Variants in MICU3 observed in about 807,000 individuals in gnomAD.
MICU3 encodes the protein mitochondrial calcium uptake 3.
MICU3 carries 62 observed loss-of-function variants against 66.5 expected under a neutral mutation model. That is an observed-to-expected ratio of 0.93 (90% CI 0.76 to 1.15). MICU3 has a LOEUF of 1.15. MICU3 is among the 50% of genes most tolerant of loss of function. MICU3 has a pLI of 0.00. For synonymous variants in MICU3, 308 were observed against 240.7 expected, an observed-to-expected ratio of 1.28 and a Z score of -2.59; for missense variants, 779 against 664.4, an observed-to-expected ratio of 1.17 and a Z score of -1.90.
intron 1 of MICU3, among the ~76,000 whole-genome samples, chr8:17,028,602 C>T (rs957230663): frequency 6.6e-6 from 1 of 152,130 alleles, no homozygotes; most frequent in African/African-American, 2.4e-5. Context: ...TTTTTATAGG[C>T]TTTGTTCTTA....
rs75763547 is a variant in MICU3, at chr8:17,034,162, A to G, written c.381+6502A>G. Among the ~76,000 whole-genome samples the G allele has an allele frequency of 3.9e-5, 6 of 152,346 alleles. No individual in the cohort carries two copies. In the East Asian group the frequency reaches 7.7e-4, roughly 20 times the overall value. On this transcript the variant is annotated intron_variant, in intron 1 of 14. Coordinates refer to ENST00000318063, the MANE Select transcript of MICU3 (RefSeq NM_181723.3). ...GGCCCTTAAGAATTATGCTAAATCT[A>G]TGCTACCTGTGTTATGTTAGGGGGA... is the stretch of plus-strand genomic sequence containing the variant.
At chr8:17,131,882 A>G in the MICU3 span, 2 of 152,230 alleles carry the variant, frequency 1.3e-5, no homozygotes, top group African/African-American at 2.4e-5. Context: ...AGGCCAAAAT[A>G]TGGTGAATTT....
intron 8 of MICU3, 87 bp from the exon 9 acceptor site, chr8:17,098,371 C>G: frequency 1.1e-6 from 1 of 908,674 alleles, no homozygotes; most frequent in Non-Finnish European, 1.8e-6. Context: ...GTTTCCTTTT[C>G]AAGGTTGGTT....
Position 17,027,651 on chromosome 8 carries a change from C to T in MICU3, c.372C>T (p.Ala124=). The change falls in exon 1 of 15, where the codon GCC becomes GCT. Residue 124 remains alanine, a synonymous_variant. Transcript: ENST00000318063. ...RGMLPIPVAA[A]KETVAIGRTD... ...TGCTGCCCATCCCAGTGGCGGCTGC[C>T]AAGGAGACGGTGAGTGCGCGAGCGC... 1 of 1,300,290 alleles carries T rather than the reference C, an allele frequency of 7.7e-7. No homozygotes were observed. The highest frequency in any genetic ancestry group is 9.7e-7 in the Non-Finnish European group (1 of 1,027,530). The allele number at this position is 1,300,290 out of a possible 1,614,324, so 80.5% of individuals were successfully genotyped here.
chr8:17,080,231 A>G (rs12547366), intron 4 of MICU3, among the ~76,000 whole-genome samples: 10,599 of 152,148 alleles, frequency 0.07, 559 homozygotes, highest in East Asian at 0.25. Context: ...TTATTAAATT[A>G]TAATATATCA....
At chr8:17,056,154 T>G (rs1204787065) in intron 1 of MICU3, among the ~76,000 whole-genome samples, 1 of 152,178 alleles carries the variant, frequency 6.6e-6, no homozygotes, top group Non-Finnish European at 1.5e-5. Flanking sequence ...TCTTAGAAGG[T>G]CACTTAAAGG....
At chr8:17,032,476 C>A (rs1164990243) in intron 1 of MICU3, among the ~76,000 whole-genome samples, 1 of 151,880 alleles carries the variant, frequency 6.6e-6, no homozygotes, top group Non-Finnish European at 1.5e-5. Context: ...GATTTGTTCG[C>A]CTTAAAAAGC....
intron 13 of MICU3, among the ~76,000 whole-genome samples, chr8:17,117,664 A>C (rs1288512240): frequency 7.0e-6 from 1 of 142,244 alleles, no homozygotes; most frequent in East Asian, 2.1e-4. Context: ...GCTGGAGTGC[A>C]GTGGCGCAAT....
chr8:17,057,395 G>A (rs548232380), intron 1 of MICU3, among the ~76,000 whole-genome samples: 3 of 152,262 alleles, frequency 2.0e-5, no homozygotes, highest in Admixed American at 6.5e-5. Context: ...TGGCCTGAGA[G>A]TATGTGGTTA....
downstream of MICU3, among the ~76,000 whole-genome samples, chr8:17,126,376 T>C (rs537246539): frequency 6.6e-6 from 1 of 152,220 alleles, no homozygotes; most frequent in African/African-American, 2.4e-5. Context: ...TTCCTGTCCT[T>C]GAGAAAGAAA....
intron 1 of MICU3, among the ~76,000 whole-genome samples, chr8:17,055,482 ATAGT>A (rs1046233940): frequency 2.0e-5 from 3 of 152,158 alleles, no homozygotes; most frequent in Non-Finnish European, 4.4e-5. Context: ...CTTTTCCATA[ATAGT>A]TAGGGTATAG....
At chr8:17,087,739 G>A (rs979519936) in intron 7 of MICU3, among the ~76,000 whole-genome samples, 2 of 151,998 alleles carry the variant, frequency 1.3e-5, no homozygotes, top group African/African-American at 4.8e-5. Context: ...AATTGGGAAG[G>A]TTAAGTATCT....
intron 1 of MICU3, among the ~76,000 whole-genome samples, chr8:17,037,015 G>C (rs577243134): frequency 6.6e-6 from 1 of 152,210 alleles, no homozygotes; most frequent in Non-Finnish European, 1.5e-5. Context: ...CCGTGGGCTG[G>C]CACTGCTGGG....
intron 2 of MICU3, among the ~76,000 whole-genome samples, 192 bp from the exon 3 acceptor site, chr8:17,069,496 A>G (rs1443527759): frequency 6.6e-5 from 10 of 152,086 alleles, no homozygotes; most frequent in African/African-American, 2.4e-4. Context: ...TGAACAGTGC[A>G]TAGTATATAT....
chr8:17,096,412 C>T lies in MICU3; in HGVS notation c.889-2046C>T, dbSNP rs553016257. Among the ~76,000 whole-genome samples the T allele has an allele frequency of 2.0e-5, 3 of 151,934 alleles. 1 individual carries two copies. The highest frequency in any genetic ancestry group is 7.2e-5 in the African/African-American group (3 of 41,512). ...AAAACTTCCTACTAGTTTGCATATTCTGAGAATGTGCTCTTAACTTCATCG... is the reference window on the plus strand; with the variant it reads ...AAAACTTCCTACTAGTTTGCATATTTTGAGAATGTGCTCTTAACTTCATCG... On this transcript the variant is annotated intron_variant, in intron 8 of 14. Transcript: ENST00000318063.
At chr8:17,131,402 G>A in the MICU3 span, 114 of 9,944 alleles carry the variant, frequency 0.011, no homozygotes, top group South Asian at 0.11. Flanking sequence ...TGCCAGGGGG[G>A]CCATCCACAG....
At chr8:17,046,314 T>TG (rs1815076388) in intron 1 of MICU3, among the ~76,000 whole-genome samples, 3 of 152,168 alleles carry the variant, frequency 2.0e-5, no homozygotes, top group South Asian at 4.1e-4. Flanking sequence ...GATTGATTGC[T>TG]TGATGATGGG....
chr8:17,054,482 T>C (rs1310375872), intron 1 of MICU3, among the ~76,000 whole-genome samples: 1 of 152,188 alleles, frequency 6.6e-6, no homozygotes, highest in Non-Finnish European at 1.5e-5. Flanking sequence ...ACTTTGAGTA[T>C]AGCAATCTGC....
At chr8:17,082,169 C>T (rs1306070644) in intron 5 of MICU3, among the ~76,000 whole-genome samples, 1 of 152,124 alleles carries the variant, frequency 6.6e-6, no homozygotes, top group African/African-American at 2.4e-5. Context: ...CTGTCAGGTG[C>T]AGCATTTCTT....
Sources: gnomAD v4.1 joint callset for allele counts (sites outside exome capture counted in the v4.1 genomes callset) on GRCh38, gnomAD v4.1.1 for gene constraint, MANE v1.5 for transcripts, NCBI Gene and HGNC (gene_info 2026-07-23, HGNC 2026-07-21) for gene names.